TCF7L2: variants seen among roughly 807,000 people sequenced by gnomAD.
TCF7L2 encodes transcription factor 7 like 2.
In TCF7L2, 23 loss-of-function variants were observed where a neutral mutation model predicts 77.9. That is an observed-to-expected ratio of 0.30 (90% CI 0.21 to 0.42). The LOEUF (loss-of-function observed/expected upper bound fraction) is 0.42. Among genes scored for constraint, TCF7L2 ranks in the 10% least tolerant of loss-of-function variants. TCF7L2 has a pLI of 1.00. For missense variants in TCF7L2, 654 were observed against 793.1 expected (o/e 0.82, Z 2.11); for synonymous variants, 413 against 340.2 (o/e 1.21, Z -2.36).
intron 4 of TCF7L2, among the ~76,000 whole-genome samples, chr10:112,970,977 C>G (rs1174207821): frequency 6.6e-6 from 1 of 152,156 alleles, no homozygotes; most frequent in African/African-American, 2.4e-5. Flanking sequence ...TTTGATAGAA[C>G]CTGTGGATGG....
chr10:113,055,522 T>C (rs929852865), intron 5 of TCF7L2, among the ~76,000 whole-genome samples: 7 of 152,270 alleles, frequency 4.6e-5, no homozygotes, highest in African/African-American at 1.7e-4. Context: ...GGAAATACTT[T>C]TTCTAGGCTG....
In TCF7L2 at chr10:112,950,344, C is replaced by T. The variant is rs190495490; in HGVS notation, c.-413C>T. ...CGCCGCCTTTGAACTGAAAAGCTCT[C>T]AGTCTAACTTCAACTCACTCAAATC... On this transcript the variant is annotated 5_prime_UTR_variant, in exon 1 of 14. Transcript: ENST00000627217. The T allele has an allele frequency of 5.3e-4, 130 of 243,588 alleles. No individual in the cohort carries two copies. The highest frequency in any genetic ancestry group is 2.8e-3 in the African/African-American group (127 of 44,900). The allele number at this position is 243,588 out of a possible 1,614,324, so 15.1% of individuals were successfully genotyped here.
At chr10:113,154,389 T>TTCTC (rs2071407696) in intron 11 of TCF7L2, among the ~76,000 whole-genome samples, 1 of 152,200 alleles carries the variant, frequency 6.6e-6, no homozygotes, top group Non-Finnish European at 1.5e-5. Flanking sequence ...TAATCTAGAA[T>TTCTC]GATACCACAG....
chr10:113,001,668 CT>C (rs902730997), intron 4 of TCF7L2, among the ~76,000 whole-genome samples: 5 of 152,136 alleles, frequency 3.3e-5, no homozygotes, highest in Admixed American at 2.6e-4. Flanking sequence ...GGTGACCCCC[CT>C]ATCATGCCCC....
intron 4 of TCF7L2, among the ~76,000 whole-genome samples, chr10:112,993,012 C>T (rs1043621193): frequency 6.6e-6 from 1 of 152,078 alleles, no homozygotes; most frequent in African/African-American, 2.4e-5. Flanking sequence ...ATCCACCCGC[C>T]TCGGCCTCCG....
intron 4 of TCF7L2, among the ~76,000 whole-genome samples, chr10:112,996,836 T>C (rs894562926): frequency 6.6e-6 from 1 of 152,216 alleles, no homozygotes; most frequent in Non-Finnish European, 1.5e-5. Context: ...TGGGAATTTC[T>C]ACAGCTTTGG....
intron 5 of TCF7L2, among the ~76,000 whole-genome samples, chr10:113,092,673 G>A (rs2060520236): frequency 6.6e-6 from 1 of 152,210 alleles, no homozygotes; most frequent in Non-Finnish European, 1.5e-5. Context: ...GAAGTCAGGA[G>A]TTCGACATGG....
chr10:113,129,802 T>C, intron 5 of TCF7L2: 1 of 1,287,248 alleles, frequency 7.8e-7, no homozygotes, highest in Non-Finnish European at 1.0e-6. Flanking sequence ...ACTGGCCCAG[T>C]CCCATCTCGA....
At chr10:112,964,170 A>G (rs977488589) in intron 3 of TCF7L2, among the ~76,000 whole-genome samples, 2 of 152,038 alleles carry the variant, frequency 1.3e-5, no homozygotes, top group Non-Finnish European at 2.9e-5. Context: ...CCTCTTGCCT[A>G]CATGTTGCAA....
chr10:113,117,974 GC>G (rs1427920175), intron 5 of TCF7L2, among the ~76,000 whole-genome samples: 1 of 121,638 alleles, frequency 8.2e-6, no homozygotes, highest in Non-Finnish European at 1.6e-5. Flanking sequence ...CCCACCCCCC[GC>G]CCCCATAAAT....
At chr10:113,094,096 C>T (rs991148804) in intron 5 of TCF7L2, among the ~76,000 whole-genome samples, 7 of 152,114 alleles carry the variant, frequency 4.6e-5, no homozygotes, top group African/African-American at 7.2e-5. Context: ...CGCGTGCACG[C>T]GCATGTGTGT....
chr10:113,105,889 A>G (rs538909181), intron 5 of TCF7L2, among the ~76,000 whole-genome samples: 15 of 152,344 alleles, frequency 9.8e-5, no homozygotes, highest in African/African-American at 2.9e-4. Context: ...TGTAATTAGT[A>G]TCCTGATTTA....
At chr10:113,117,112 T>C (rs1226192580) in intron 5 of TCF7L2, among the ~76,000 whole-genome samples, 4 of 152,254 alleles carry the variant, frequency 2.6e-5, no homozygotes, top group Admixed American at 1.3e-4. Flanking sequence ...TGAGGTTGGC[T>C]GTACATCAAA....
At chr10:113,120,403 GC>G (rs2064582022) in intron 5 of TCF7L2, among the ~76,000 whole-genome samples, 2 of 152,168 alleles carry the variant, frequency 1.3e-5, no homozygotes, top group African/African-American at 2.4e-5. Flanking sequence ...TTCAGATGTT[GC>G]GATTTAGTGT....
chr10:113,075,418 C>A (rs1172735344), intron 5 of TCF7L2, among the ~76,000 whole-genome samples: 1 of 151,378 alleles, frequency 6.6e-6, no homozygotes, highest in East Asian at 1.9e-4. Context: ...GAGATCGTGC[C>A]ATTGCACTCC....
chr10:113,051,268 G>A (rs751230661), intron 5 of TCF7L2, among the ~76,000 whole-genome samples: 3 of 140,208 alleles, frequency 2.1e-5, no homozygotes, highest in South Asian at 2.4e-4. Flanking sequence ...CACACACCCC[G>A]ACTCAATGGA....
At chr10:113,041,059 CT>C (rs2134286269) in intron 5 of TCF7L2, among the ~76,000 whole-genome samples, 1 of 152,292 alleles carries the variant, frequency 6.6e-6, no homozygotes, top group South Asian at 2.1e-4. Context: ...AAATAAGTTT[CT>C]TAAGTAGAAA....
chr10:113,003,319 G>A (rs534631044), intron 4 of TCF7L2, among the ~76,000 whole-genome samples: 5 of 152,242 alleles, frequency 3.3e-5, no homozygotes, highest in South Asian at 4.1e-4. Flanking sequence ...TCTCACCCAC[G>A]TGCCCCTGGA....
At chr10:112,980,666 C>T (rs986286474) in intron 4 of TCF7L2, among the ~76,000 whole-genome samples, 3 of 151,866 alleles carry the variant, frequency 2.0e-5, no homozygotes, top group African/African-American at 7.3e-5. Context: ...CTCTGTCGCC[C>T]AGCCTGGATG....
Sources: gnomAD v4.1 joint callset for allele counts (sites outside exome capture counted in the v4.1 genomes callset) on GRCh38, gnomAD v4.1.1 for gene constraint, MANE v1.5 for transcripts, NCBI Gene and HGNC (gene_info 2026-07-23, HGNC 2026-07-21) for gene names.